SPTBN1: variants seen among roughly 807,000 people sequenced by gnomAD.
The protein encoded by SPTBN1 is spectrin beta chain, non-erythrocytic 1.
In SPTBN1, 32 loss-of-function variants were observed where a neutral mutation model predicts 266.4. That is an observed-to-expected ratio of 0.12 (90% CI 0.09 to 0.16). The LOEUF is 0.16. Ranked by LOEUF, SPTBN1 falls within the 10% of genes least tolerant of loss-of-function variation. The pLI is 1.00. For missense variants in SPTBN1, 2,296 were observed against 3,067.1 expected (o/e 0.75, Z 5.94); for synonymous variants, 1,336 against 1,162.2 (o/e 1.15, Z -3.04).
At chr2:54,543,486 C>G (rs1361821498) in intron 2 of SPTBN1, among the ~76,000 whole-genome samples, 2 of 152,026 alleles carry the variant, frequency 1.3e-5, no homozygotes, top group African/African-American at 4.8e-5. Context: ...GTTCTGATGG[C>G]CTGACGACAC....
intron 4 of SPTBN1, 55 bp from the exon 5 acceptor site, chr2:54,616,152 G>C: frequency 6.7e-7 from 1 of 1,502,264 alleles, no homozygotes; most frequent in Non-Finnish European, 9.2e-7. Flanking sequence ...TTCTTCAGTG[G>C]TTCTTTTAGG....
At chr2:54,549,418 T>C (rs1486765292) in intron 2 of SPTBN1, among the ~76,000 whole-genome samples, 3 of 152,194 alleles carry the variant, frequency 2.0e-5, no homozygotes, top group Admixed American at 6.5e-5. Flanking sequence ...TTCTGTTGTA[T>C]GTATATACCA....
At chr2:54,511,571 G>T (rs1447031698) in intron 1 of SPTBN1, among the ~76,000 whole-genome samples, 1 of 152,090 alleles carries the variant, frequency 6.6e-6, no homozygotes, top group Non-Finnish European at 1.5e-5. Flanking sequence ...AATATATAAT[G>T]AAATAATTCT....
chr2:54,547,276 C>T (rs1425254567), intron 2 of SPTBN1, among the ~76,000 whole-genome samples: 1 of 152,150 alleles, frequency 6.6e-6, no homozygotes, highest in East Asian at 1.9e-4. Flanking sequence ...CAAGCTTCAT[C>T]CATGTTATAG....
chr2:54,660,925 G>A, intron 32 of SPTBN1: 1 of 985,392 alleles, frequency 1.0e-6, no homozygotes, highest in South Asian at 4.7e-5. Context: ...TCTCCATTCA[G>A]CCGATGACTT....
intron 2 of SPTBN1, among the ~76,000 whole-genome samples, chr2:54,576,316 A>T (rs1674475329): frequency 6.6e-6 from 1 of 151,862 alleles, no homozygotes; most frequent in Non-Finnish European, 1.5e-5. Flanking sequence ...GGCCTCCCAA[A>T]GTGTTGGGAT....
chr2:54,473,448 T>C (rs1258099733), intron 1 of SPTBN1, among the ~76,000 whole-genome samples: 1 of 152,196 alleles, frequency 6.6e-6, no homozygotes, highest in Non-Finnish European at 1.5e-5. Context: ...CTATGACTTC[T>C]AAAGTATCAA....
chr2:54,485,763 C>T (rs1199681108), intron 1 of SPTBN1, among the ~76,000 whole-genome samples: 19 of 151,408 alleles, frequency 1.3e-4, no homozygotes, highest in African/African-American at 1.7e-4. Flanking sequence ...TCTTCCCGGC[C>T]GCCATCACAT....
intron 1 of SPTBN1, among the ~76,000 whole-genome samples, chr2:54,522,912 T>TA (rs575797733): frequency 3.3e-3 from 502 of 152,082 alleles, no homozygotes; most frequent in Non-Finnish European, 4.3e-3. Flanking sequence ...AGCTAAAACT[T>TA]ATCTGGGGAG....
intron 4 of SPTBN1, among the ~76,000 whole-genome samples, chr2:54,613,956 G>T (rs1464026866): frequency 2.0e-5 from 3 of 152,240 alleles, no homozygotes; most frequent in African/African-American, 7.2e-5. Context: ...CAGCGGGTCA[G>T]CACCCAGGTC....
chr2:54,645,978 C>A lies in SPTBN1; in HGVS notation c.4545C>A (p.His1515Gln). 1 of 1,614,224 alleles carries A rather than the reference C, an allele frequency of 6.2e-7. No individual in the cohort carries two copies. The highest frequency in any genetic ancestry group is 1.3e-5 in the African/African-American group (1 of 75,048). The change falls in exon 22 of 36, where the codon CAC (histidine) becomes CAA (glutamine). Residue 1515 changes from histidine (H) to glutamine (Q), a missense_variant. Transcript: ENST00000356805. This position sits in a 1 kb window ranked among gnomAD's most constrained non-coding sequence, Gnocchi z 4.3. ...TGGCAACTTCCACGGATCATGGCCA[C>A]AACCTCCAGACTGTGCAGCTGTTAA... ...MPLATSTDHG[H>Q]NLQTVQLLIK...
At chr2:54,596,386 T>C (rs1215996710) in intron 2 of SPTBN1, among the ~76,000 whole-genome samples, 2 of 152,204 alleles carry the variant, frequency 1.3e-5, no homozygotes, top group Non-Finnish European at 2.9e-5. Flanking sequence ...TTCATAAGCA[T>C]TTGCTGTTCT....
intron 3 of SPTBN1, among the ~76,000 whole-genome samples, chr2:54,600,022 A>C (rs139923832): frequency 6.6e-6 from 1 of 152,342 alleles, no homozygotes; most frequent in East Asian, 1.9e-4. Flanking sequence ...GCCAGAAGCC[A>C]ACGCCCAGAA....
At chr2:54,621,018 C>T (rs1281322110) in intron 7 of SPTBN1, among the ~76,000 whole-genome samples, 1 of 152,108 alleles carries the variant, frequency 6.6e-6, no homozygotes, top group African/African-American at 2.4e-5. Flanking sequence ...GTCATCCCAA[C>T]TTAGACTCAG....
chr2:54,520,061 G>A (rs762338724), intron 1 of SPTBN1, among the ~76,000 whole-genome samples: 12 of 152,152 alleles, frequency 7.9e-5, no homozygotes, highest in Non-Finnish European at 1.3e-4. Context: ...TGTCAGCACC[G>A]GGTAACCAGC....
At chr2:54,471,045 A>G (rs919155334) in intron 1 of SPTBN1, among the ~76,000 whole-genome samples, 2 of 152,206 alleles carry the variant, frequency 1.3e-5, no homozygotes, top group Admixed American at 1.3e-4. Context: ...AGGGAAGCCA[A>G]AAGATTAGAC....
chr2:54,568,349 CAAAAAAAAA>C lies in SPTBN1; in HGVS notation c.149-30728_149-30720del, dbSNP rs888478845. On this transcript the variant is annotated intron_variant, in intron 2 of 35. Coordinates refer to ENST00000356805, the MANE Select transcript of SPTBN1 (RefSeq NM_003128.3). ...TGGGCAACAGAGTAAGACTCTGTCT[CAAAAAAAAA>C]AAAAAAAAAAAAAAGAAGAAGAAGC... 1.3e-4 allele frequency among the ~76,000 whole-genome samples: 12 copies of C among 95,680 alleles called. No homozygotes were observed. The South Asian group carries it at 3.1e-3, about 25-fold the overall frequency. 62.8% of individuals were successfully genotyped at this position (95,680 alleles called of 152,430 possible). A position where few individuals can be genotyped will look rare whatever the true frequency, so the allele number is the denominator to read the frequency against.
intron 3 of SPTBN1, among the ~76,000 whole-genome samples, chr2:54,608,738 C>A (rs1258301409): frequency 6.6e-6 from 1 of 151,822 alleles, no homozygotes; most frequent in Non-Finnish European, 1.5e-5. Context: ...GATCCTTGAA[C>A]AAAGCAGGGG....
intron 1 of SPTBN1, among the ~76,000 whole-genome samples, chr2:54,492,349 G>GTTTTTTTTTT (rs542155672): frequency 3.0e-5 from 4 of 132,632 alleles, no homozygotes; most frequent in Non-Finnish European, 1.6e-5. Context: ...TTGTTTTTTT[G>GTTTTTTTTTT]TTTTTTTTTT....
Sources: allele counts gnomAD v4.1 joint callset (sites outside exome capture counted in the v4.1 genomes callset), GRCh38; gene constraint gnomAD v4.1.1; non-coding constraint Gnocchi (gnomAD v3.1); transcripts MANE v1.5; gene names NCBI Gene and HGNC (gene_info 2026-07-23, HGNC 2026-07-21).